CACNB2: variants seen among roughly 807,000 people sequenced by gnomAD.
The protein encoded by CACNB2 is voltage-dependent L-type calcium channel subunit beta-2.
A neutral mutation model predicts 73.3 loss-of-function variants in CACNB2; 42 were observed. That is an observed-to-expected ratio of 0.57 (90% CI 0.45 to 0.74). The LOEUF (loss-of-function observed/expected upper bound fraction) is 0.74, where lower values mean the gene tolerates loss of function less well. Ranked by LOEUF, CACNB2 falls within the 30% of genes least tolerant of loss-of-function variation. The probability of loss-of-function intolerance (pLI) is 0.00; values close to 1 mark genes in which losing one functional copy is unlikely to be tolerated. For synonymous variants in CACNB2, 348 were observed against 310.3 expected (o/e 1.12, Z -1.28); for missense variants, 940 against 853.0 (o/e 1.10, Z -1.27).
At chr10:18,368,643 G>T (rs1271512406) in intron 2 of CACNB2, among the ~76,000 whole-genome samples, 1 of 152,054 alleles carries the variant, frequency 6.6e-6, no homozygotes, top group Non-Finnish European at 1.5e-5. Context: ...TTTAATAAAA[G>T]AATGTAAATG....
intron 2 of CACNB2, among the ~76,000 whole-genome samples, chr10:18,204,842 A>C (rs1218978268): frequency 2.0e-5 from 3 of 152,194 alleles, no homozygotes; most frequent in Non-Finnish European, 4.4e-5. Flanking sequence ...TCACATATGC[A>C]TTCCATACTG....
intron 2 of CACNB2, among the ~76,000 whole-genome samples, chr10:18,331,209 C>T (rs1018864999): frequency 1.3e-5 from 2 of 151,878 alleles, no homozygotes; most frequent in Non-Finnish European, 2.9e-5. Context: ...TGGTCTTGAT[C>T]TCTTGACCTT....
chr10:18,199,760 G>A (rs1573222), intron 2 of CACNB2, among the ~76,000 whole-genome samples: 120,276 of 152,016 alleles, frequency 0.79, 48,631 homozygotes, highest in Non-Finnish European at 0.89. Context: ...GAGATTTTGA[G>A]GGAGCAAGAC....
chr10:18,530,974 G>A (rs568679424), intron 10 of CACNB2, among the ~76,000 whole-genome samples: 2 of 152,322 alleles, frequency 1.3e-5, no homozygotes, highest in East Asian at 3.9e-4. Context: ...TGGGGAGAAA[G>A]GTAGTTAGAG....
intron 11 of CACNB2, 45 bp from the exon 12 acceptor site, chr10:18,536,056 C>G (rs2053541032): frequency 8.6e-7 from 1 of 1,164,824 alleles, no homozygotes; most frequent in East Asian, 2.4e-5. Context: ...TGTACTTTAC[C>G]TGGATGTAGT....
intron 2 of CACNB2, among the ~76,000 whole-genome samples, chr10:18,245,408 C>T (rs1453575446): frequency 6.6e-6 from 1 of 152,162 alleles, no homozygotes; most frequent in Non-Finnish European, 1.5e-5. Context: ...AGCCTCTGTC[C>T]TTCCCTGGCC....
At chr10:18,499,241 T>G (rs1174417397) in intron 4 of CACNB2, among the ~76,000 whole-genome samples, 1 of 152,154 alleles carries the variant, frequency 6.6e-6, no homozygotes, top group African/African-American at 2.4e-5. Flanking sequence ...AGGGTATATA[T>G]AATATGTCAT....
chr10:18,193,900 A>G (rs1588668723), intron 2 of CACNB2, among the ~76,000 whole-genome samples: 1 of 152,210 alleles, frequency 6.6e-6, no homozygotes, highest in African/African-American at 2.4e-5. Context: ...GAAGATAGAC[A>G]TTGAGCAATA....
chr10:18,303,594 G>A (rs2039614537), intron 2 of CACNB2, among the ~76,000 whole-genome samples: 2 of 152,188 alleles, frequency 1.3e-5, no homozygotes, highest in Admixed American at 6.5e-5. Context: ...CTTCATAAGA[G>A]CCAGTACTGA....
rs935408770 is a variant in CACNB2 at position 18,515,164 on chromosome 10, A to G, written c.804+795A>G. The stretch of plus-strand genomic sequence containing the variant: ...AGTGGTCATGCGTAGAGCCTTTGCC[A>G]TTGGCCATCCAAGATGCTACACAGC... On this transcript the variant is annotated intron_variant, in intron 7 of 13. Transcript: ENST00000324631. The G allele has an allele frequency of 7.5e-6, 6 of 797,564 alleles. No individual in the cohort carries two copies. The African/African-American group carries it at 1.0e-4, about 14-fold the overall frequency. 49.4% of individuals were successfully genotyped at this position (797,564 alleles called of 1,614,324 possible). A position where few individuals can be genotyped will look rare whatever the true frequency, so the allele number is the denominator to read the frequency against.
chr10:18,509,301 C>T (rs922091455), intron 6 of CACNB2, among the ~76,000 whole-genome samples: 2 of 152,194 alleles, frequency 1.3e-5, no homozygotes, highest in African/African-American at 4.8e-5. Context: ...CACTCATTGC[C>T]AGACCAAAGA....
At chr10:18,392,020 G>T (rs1276464528) in intron 2 of CACNB2, among the ~76,000 whole-genome samples, 3 of 152,084 alleles carry the variant, frequency 2.0e-5, no homozygotes, top group African/African-American at 7.2e-5. Context: ...ATCAATGGGG[G>T]TTACAATTTG....
chr10:18,400,867 T>C, intron 2 of CACNB2: 1 of 1,505,204 alleles, frequency 6.6e-7, no homozygotes, highest in African/African-American at 1.4e-5. Flanking sequence ...TGGATGGGAG[T>C]CCTCTGGGGC....
chr10:18,495,676 G>A (rs973932919), intron 3 of CACNB2, among the ~76,000 whole-genome samples: 1 of 151,688 alleles, frequency 6.6e-6, no homozygotes, highest in Admixed American at 6.6e-5. Flanking sequence ...CCCTCCCAAA[G>A]TGTTGGGATT....
chr10:18,224,157 T>A (rs2035896968), intron 2 of CACNB2: 1 of 152,142 alleles, frequency 6.6e-6, no homozygotes, highest in South Asian at 2.1e-4. Context: ...TTCCTAAACC[T>A]CTTAGCGAAA....
intron 2 of CACNB2, among the ~76,000 whole-genome samples, chr10:18,372,055 T>G (rs1339108309): frequency 6.6e-6 from 1 of 152,188 alleles, no homozygotes; most frequent in Non-Finnish European, 1.5e-5. Flanking sequence ...GGGTTGTTTG[T>G]TTTTTTCTTG....
At chr10:18,375,560 T>C (rs1019249604) in intron 2 of CACNB2, among the ~76,000 whole-genome samples, 1 of 152,194 alleles carries the variant, frequency 6.6e-6, no homozygotes, top group Non-Finnish European at 1.5e-5. Context: ...AACCGGGAAA[T>C]AGAAGGCAAT....
At chr10:18,141,075 G>A in intron 1 of CACNB2, 1 of 1,548,444 alleles carries the variant, frequency 6.5e-7, no homozygotes, top group Non-Finnish European at 8.7e-7. Flanking sequence ...CTTCCGAAAA[G>A]CCAGTGGGGA....
At chr10:18,225,799 C>G (rs1473359944) in intron 2 of CACNB2, among the ~76,000 whole-genome samples, 1 of 151,904 alleles carries the variant, frequency 6.6e-6, no homozygotes, top group African/African-American at 2.4e-5. Flanking sequence ...ACCATCACAC[C>G]TGGATAAGTT....
Sources: gnomAD v4.1 joint callset for allele counts (sites outside exome capture counted in the v4.1 genomes callset) on GRCh38, gnomAD v4.1.1 for gene constraint, MANE v1.5 for transcripts, NCBI Gene and HGNC (gene_info 2026-07-23, HGNC 2026-07-21) for gene names.